Variants in RAP1GDS1 observed in about 807,000 individuals in gnomAD.
RAP1GDS1 encodes RAP1, GTP-GDP dissociation stimulator 1.
RAP1GDS1 carries 35 observed loss-of-function variants against 71.1 expected under a neutral mutation model. The observed-to-expected ratio is 0.49, with a 90% CI of 0.38 to 0.65. The LOEUF is 0.65. RAP1GDS1 is among the 30% of genes least tolerant of loss of function. The pLI, the probability that RAP1GDS1 is intolerant of heterozygous loss-of-function variation, is 0.00. For missense variants in RAP1GDS1, 663 were observed against 706.1 expected (o/e 0.94, Z 0.69); for synonymous variants, 229 against 243.1 (o/e 0.94, Z 0.54).
At chr4:98,325,949 G>C (rs1176918001) in intron 2 of RAP1GDS1, among the ~76,000 whole-genome samples, 1 of 151,476 alleles carries the variant, frequency 6.6e-6, no homozygotes, top group East Asian at 1.9e-4. Flanking sequence ...TGTAGTTGTA[G>C]TGCTAGATAT....
chr4:98,352,607 T>G lies in RAP1GDS1; in HGVS notation c.361+6T>G. 1 of 1,613,278 alleles carries G rather than the reference T, an allele frequency of 6.2e-7. No homozygotes were observed. The highest frequency in any genetic ancestry group is 1.1e-5 in the South Asian group (1 of 90,828). Reference sequence around the variant, plus strand: ...AAACATATGTTACGATAGCCGTAAGTGTTGACATCTCAATAATACACATAC... The same window carrying G: ...AAACATATGTTACGATAGCCGTAAGGGTTGACATCTCAATAATACACATAC... On this transcript the variant is annotated splice_donor_region_variant and intron_variant, in intron 4 of 14. Transcript: ENST00000408927.
chr4:98,326,607 T>C (rs558886490), intron 2 of RAP1GDS1, among the ~76,000 whole-genome samples: 1 of 152,298 alleles, frequency 6.6e-6, no homozygotes, highest in Non-Finnish European at 1.5e-5. Context: ...TTTCTACATT[T>C]ATTTATTTTT....
chr4:98,296,751 G>T (rs921295583), intron 2 of RAP1GDS1, among the ~76,000 whole-genome samples: 3 of 152,090 alleles, frequency 2.0e-5, no homozygotes, highest in Non-Finnish European at 4.4e-5. Flanking sequence ...AAAACAATAG[G>T]CCACCTATTT....
At chr4:98,365,729 CT>C in intron 4 of RAP1GDS1, among the ~76,000 whole-genome samples, 1 of 152,214 alleles carries the variant, frequency 6.6e-6, no homozygotes, top group East Asian at 1.9e-4. Context: ...TTAAATGTTA[CT>C]TTTTATCACT....
chr4:98,393,032 T>C (rs2110130213), intron 6 of RAP1GDS1, among the ~76,000 whole-genome samples: 1 of 152,264 alleles, frequency 6.6e-6, no homozygotes, highest in South Asian at 2.1e-4. Flanking sequence ...CACCTTCTTG[T>C]CTTCCTTCAC....
At position 98,372,200 on chromosome 4, in the gene RAP1GDS1, C is replaced by T. The variant is rs147106017; in HGVS notation, c.362-6817C>T. Among the ~76,000 whole-genome samples, 296 of 152,016 alleles carry T rather than the reference C, an allele frequency of 1.9e-3. 1 individual carries two copies. The highest frequency in any genetic ancestry group is 6.8e-3 in the African/African-American group (280 of 41,472). Reference sequence around the variant, plus strand: ...GTTTTTGAGGTGGAGTCTTGCTCTGCCACCCAGGTTAGCGTGCTGTGGCGC... The same window carrying T: ...GTTTTTGAGGTGGAGTCTTGCTCTGTCACCCAGGTTAGCGTGCTGTGGCGC... On this transcript the variant is annotated intron_variant, in intron 4 of 14. Coordinates refer to ENST00000408927, the MANE Select transcript of RAP1GDS1 (RefSeq NM_001100427.2).
At chr4:98,345,517 A>C (rs1736099841) in intron 3 of RAP1GDS1, among the ~76,000 whole-genome samples, 1 of 152,094 alleles carries the variant, frequency 6.6e-6, no homozygotes, top group Admixed American at 6.6e-5. Context: ...TAAATGTATT[A>C]TTCCCTTATA....
intron 5 of RAP1GDS1, among the ~76,000 whole-genome samples, chr4:98,390,590 A>ACTAT (rs1339650950): frequency 6.6e-6 from 1 of 152,102 alleles, no homozygotes; most frequent in Non-Finnish European, 1.5e-5. Context: ...GCCTCTGTTG[A>ACTAT]CTATCTCCTC....
intron 1 of RAP1GDS1, among the ~76,000 whole-genome samples, chr4:98,289,095 G>A (rs917475725): frequency 6.6e-6 from 1 of 152,036 alleles, no homozygotes; most frequent in Non-Finnish European, 1.5e-5. Flanking sequence ...ATTATACAAG[G>A]TAGCCCTTTT....
chr4:98,378,555 C>T (rs1292590621), intron 4 of RAP1GDS1, among the ~76,000 whole-genome samples: 2 of 151,244 alleles, frequency 1.3e-5, no homozygotes, highest in Admixed American at 6.6e-5. Context: ...GACATAATAA[C>T]GTTCCCATAT....
chr4:98,420,406 C>T (rs1461200845), intron 11 of RAP1GDS1, among the ~76,000 whole-genome samples: 2 of 151,430 alleles, frequency 1.3e-5, no homozygotes, highest in Non-Finnish European at 2.9e-5. Flanking sequence ...TGTTCTGTCA[C>T]CCAGGCTGGA....
intron 2 of RAP1GDS1, among the ~76,000 whole-genome samples, chr4:98,336,369 A>G (rs1734725346): frequency 6.6e-6 from 1 of 152,192 alleles, no homozygotes; most frequent in Non-Finnish European, 1.5e-5. Flanking sequence ...TTTAAAGAAA[A>G]TAGTCAAACT....
At chr4:98,380,936 A>G (rs75991281) in intron 5 of RAP1GDS1, among the ~76,000 whole-genome samples, 2,284 of 151,852 alleles carry the variant, frequency 0.015, 46 homozygotes, top group African/African-American at 0.052. Context: ...AATATATCAG[A>G]TGGCTGGTCT....
At chr4:98,404,810 A>G (rs1423851229) in intron 7 of RAP1GDS1, among the ~76,000 whole-genome samples, 1 of 152,210 alleles carries the variant, frequency 6.6e-6, no homozygotes, top group African/African-American at 2.4e-5. Flanking sequence ...CTTTGATTTT[A>G]AAATCTTAGA....
intron 7 of RAP1GDS1, among the ~76,000 whole-genome samples, chr4:98,407,252 G>A (rs985841527): frequency 1.3e-5 from 2 of 148,406 alleles, no homozygotes; most frequent in African/African-American, 2.5e-5. Context: ...CTTTTTTTTT[G>A]TTAATCTAGC....
chr4:98,285,051 A>G (rs1458422988), intron 1 of RAP1GDS1, among the ~76,000 whole-genome samples: 1 of 152,180 alleles, frequency 6.6e-6, no homozygotes, highest in Non-Finnish European at 1.5e-5. Context: ...GATTCATAGA[A>G]TCTATGAGCG....
In RAP1GDS1 at chr4:98,261,448, C is replaced by T. The variant is rs1721945632; in HGVS notation, c.-118C>T. The T allele has an allele frequency of 3.6e-6, 4 of 1,107,172 alleles. No homozygotes were observed. Among genetic ancestry groups the T allele is most frequent in the Admixed American group, 2.8e-5 (1 of 35,094 alleles). The allele number at this position is 1,107,172 out of a possible 1,614,324, so 68.6% of individuals were successfully genotyped here. ...AGCTGCTCCTCCCCGGCGGCCGCCC[C>T]CCGCGGGTCCCTCCCTGGCTGCGGG... On this transcript the variant is annotated 5_prime_UTR_variant, in exon 1 of 15. Transcript: ENST00000408927.
intron 7 of RAP1GDS1, among the ~76,000 whole-genome samples, chr4:98,407,009 A>G (rs1215098513): frequency 1.3e-5 from 2 of 152,112 alleles, no homozygotes; most frequent in Non-Finnish European, 2.9e-5. Flanking sequence ...TTTTGCTCTA[A>G]ATGCTTATAT....
In RAP1GDS1 at chr4:98,443,015, ATTTTTTTTTT is replaced by A; in HGVS notation, c.*912_*921del. On this transcript the variant is annotated 3_prime_UTR_variant, in exon 15 of 15. Transcript: ENST00000408927. ...TGAGTATAGTTCATTGAAGAATGGAATTTTTTTTTTTTTTTTTTTTTTTGCTGTTTTTCAT... is the reference window on the plus strand; with the variant it reads ...TGAGTATAGTTCATTGAAGAATGGAATTTTTTTTTTTTTGCTGTTTTTCAT... The A allele has an allele frequency of 7.4e-6, 1 of 135,204 alleles. No individual in the cohort carries two copies. The highest frequency in any genetic ancestry group is 4.2e-5 in the African/African-American group (1 of 24,050). 8.4% of individuals were successfully genotyped at this position (135,204 alleles called of 1,614,324 possible).
Sources: allele counts gnomAD v4.1 joint callset (sites outside exome capture counted in the v4.1 genomes callset), GRCh38; gene constraint gnomAD v4.1.1; transcripts MANE v1.5; gene names NCBI Gene and HGNC (gene_info 2026-07-23, HGNC 2026-07-21).